Variants in TTN observed in about 807,000 individuals in gnomAD.
The protein encoded by TTN is connectin.
Under a neutral mutation model 3,223.0 loss-of-function variants are expected in TTN, and 1,525 were observed. That is an observed-to-expected ratio of 0.47 (90% CI 0.45 to 0.49). The LOEUF (loss-of-function observed/expected upper bound fraction) is 0.49. TTN is among the 20% of genes least tolerant of loss of function. The pLI, the probability that TTN is intolerant of heterozygous loss-of-function variation, is 0.00. For synonymous variants in TTN, 14,094 were observed against 15,161.0 expected (o/e 0.93, Z 5.17); for missense variants, 40,786 against 43,424.0 (o/e 0.94, Z 5.40).
chr2:178,685,271 C>A lies in TTN; in HGVS notation c.32452G>T (p.Glu10818Ter). ...ATCATACCTTTAGCCGGTGGAGGCT[C>A]CTCTATTTTAGCAGGAATTTTTGGT... is the stretch of plus-strand genomic sequence containing the variant. ...LKPKIPAKIE[E>*]PPPAKVPEAP... is the part of the protein sequence containing the mutation. The change falls in exon 129 of 363, where the codon GAG becomes TAG. Residue 10818 changes from glutamate to a stop codon, truncating the protein, a stop_gained. Transcript: ENST00000589042. LOFTEE classifies it high-confidence loss of function. The A allele has an allele frequency of 1.9e-6, 3 of 1,550,790 alleles. No homozygotes were observed. In the South Asian group the frequency reaches 3.6e-5, roughly 19 times the overall value.
At chr2:178,702,411 G>A in intron 107 of TTN, 43 bp downstream of exon 107, 1 of 1,611,488 alleles carries the variant, frequency 6.2e-7, no homozygotes, top group Non-Finnish European at 8.5e-7. Context: ...AAACAGACGA[G>A]GCTTAAATTA....
intron 319 of TTN, 59 bp from the exon 320 acceptor site, chr2:178,579,452 A>C: frequency 6.4e-7 from 1 of 1,561,492 alleles, no homozygotes; most frequent in East Asian, 2.3e-5. Context: ...TAACTTTTTC[A>C]AATAGTTCTA....
chr2:178,618,278 T>C lies in TTN; in HGVS notation c.47180A>G (p.Glu15727Gly), dbSNP rs1342638829. 6.2e-7 allele frequency: 1 copy of C among 1,612,792 alleles called. No individual in the cohort carries two copies. Among genetic ancestry groups the C allele is most frequent in the South Asian group, 1.1e-5 (1 of 91,052 alleles). ...TVTGLQKGGV[E>G]YLFRVSARNR... ...TCTTGCACTCACACGGAATAGGTAC[T>C]CAACTCCTCCTTTCTGTAGACCAGT... Residue 15727 changes from glutamate (E) to glycine (G), a missense_variant, in exon 252 of 363, where the codon GAG (glutamate) becomes GGG (glycine). By Grantham distance (98) the Glu-to-Gly change is moderately conservative. Transcript: ENST00000589042.
chr2:178,787,229 G>C (rs958184112), intron 13 of TTN, among the ~76,000 whole-genome samples: 2 of 152,032 alleles, frequency 1.3e-5, no homozygotes, highest in Admixed American at 6.6e-5. Flanking sequence ...AGATATAAAT[G>C]AGATTTTTCT....
chr2:178,574,224 G>A lies in TTN; in HGVS notation c.71908C>T (p.Arg23970Trp), dbSNP rs748041610. 2.1e-5 allele frequency: 34 copies of A among 1,613,196 alleles called. No individual in the cohort carries two copies. Among genetic ancestry groups the A allele is most frequent in the South Asian group, 1.6e-4 (15 of 91,074 alleles). The change falls in exon 326 of 363, where the codon CGG (arginine) becomes TGG (tryptophan). Residue 23970 changes from arginine to tryptophan, a missense_variant. Physicochemically the swap from Arg to Trp is moderately radical, Grantham distance 101 (BLOSUM62 -3). Coordinates refer to ENST00000589042, the MANE Select transcript of TTN (RefSeq NM_001267550.2). ...IVEKRDLPNG[R>W]WLKANFSNIL... ...TTGCTGAAGTTGGCCTTCAGCCACC[G>A]TCCATTAGGAAGGTCTCTCTTTTCA...
chr2:178,537,394 C>G lies in TTN; in HGVS notation c.99813G>C (p.Gln33271His), dbSNP rs1201464356. The G allele has an allele frequency of 6.2e-7, 1 of 1,605,396 alleles. No individual in the cohort carries two copies. The highest frequency in any genetic ancestry group is 8.5e-7 in the Non-Finnish European group (1 of 1,174,098). Residue 33271 changes from glutamine to histidine, a missense_variant, in exon 355 of 363, where the codon CAG becomes CAC. Physicochemically the swap from Gln to His is conservative, Grantham distance 24. Transcript: ENST00000589042. ...RKTHAGKYKV[Q>H]LSNVFGTVDA... Reference sequence around the variant, plus strand: ...CAACTGTTCCAAAAACATTGCTGAGCTGGACTTTGTATTTCCCAGCATGAG... The same window carrying G: ...CAACTGTTCCAAAAACATTGCTGAGGTGGACTTTGTATTTCCCAGCATGAG...
chr2:178,756,332 T>C lies in TTN; in HGVS notation c.11144A>G (p.Gln3715Arg), dbSNP rs912850872. The C allele has an allele frequency of 6.2e-7, 1 of 1,613,790 alleles. No individual in the cohort carries two copies. Among genetic ancestry groups the C allele is most frequent in the African/African-American group, 1.3e-5 (1 of 74,936 alleles). ...RLKQSQNGNI[Q>R]FLTICNVQLV... ...CTGAACATTACATATGGTAAGAAAC[T>C]GAATATTTCCATTTTGTGATTGTTT... The change falls in exon 46 of 363, where the codon CAG (glutamine) becomes CGG (arginine). Residue 3715 changes from glutamine (Q) to arginine (R), a missense_variant. Gln to Arg is a conservative substitution (Grantham distance 43). Coordinates refer to ENST00000589042, the MANE Select transcript of TTN (RefSeq NM_001267550.2).
chr2:178,718,000 A>T lies in TTN; in HGVS notation c.25006T>A (p.Cys8336Ser). The T allele has an allele frequency of 6.2e-7, 1 of 1,613,804 alleles. No homozygotes were observed. The highest frequency in any genetic ancestry group is 8.5e-7 in the Non-Finnish European group (1 of 1,179,718). ...GCCCCCACACTGTTGTCTGCCTTGC[A>T]TGAATACTCTCCCACATCACTGTGA... The part of the protein sequence containing the change: ...VDHSDVGEYS[C>S]KADNSVGAVA... Residue 8336 changes from cysteine (C) to serine (S), a missense_variant, in exon 86 of 363, where the codon TGC becomes AGC. Physicochemically the swap from Cys to Ser is moderately radical, Grantham distance 112. Transcript: ENST00000589042.
At chr2:178,644,022 G>A (rs564758320) in intron 218 of TTN, among the ~76,000 whole-genome samples, 1 of 152,060 alleles carries the variant, frequency 6.6e-6, no homozygotes, top group South Asian at 2.1e-4. Context: ...ACAGTAATAA[G>A]GAAATTTTTC....
chr2:178,804,700 C>A, intron 1 of TTN, 45 bp from the exon 2 acceptor site: 1 of 1,563,678 alleles, frequency 6.4e-7, no homozygotes, highest in South Asian at 1.1e-5. Flanking sequence ...AGCTAAGGGT[C>A]ACTCTGGAGC....
chr2:178,537,602 A>C lies in TTN; in HGVS notation c.99605T>G (p.Leu33202Arg). 6.2e-7 allele frequency: 1 copy of C among 1,613,688 alleles called. No individual in the cohort carries two copies. The highest frequency in any genetic ancestry group is 1.1e-5 in the South Asian group (1 of 91,074). ...CACAGCTCCATAATATTTCTCTTTC[A>C]GTGGGTAACCAGGATGGAACTGCGG... ...ATPQFHPGYPLKEKYYGAVGS... is the reference protein window; with the variant it reads ...ATPQFHPGYPRKEKYYGAVGS... Residue 33202 changes from leucine to arginine, a missense_variant, in exon 355 of 363, where the codon CTG (leucine) becomes CGG (arginine). Leu to Arg is a moderately radical substitution (Grantham distance 102). Coordinates refer to ENST00000589042, the MANE Select transcript of TTN (RefSeq NM_001267550.2).
chr2:178,736,247 G>C (rs1260890955), intron 49 of TTN, among the ~76,000 whole-genome samples, 173 bp from the exon 50 acceptor site: 2 of 152,184 alleles, frequency 1.3e-5, no homozygotes, highest in Admixed American at 1.3e-4. Flanking sequence ...AAAGGGATGA[G>C]AGTGTTCTTT....
Position 178,534,516 on chromosome 2 carries a change from A to G in TTN, c.102099T>C (p.Thr34033=), listed in dbSNP as rs896791206. 10 of 1,613,746 alleles carry G rather than the reference A, an allele frequency of 6.2e-6. No homozygotes were observed. Among genetic ancestry groups the G allele is most frequent in the Admixed American group, 3.3e-5 (2 of 60,002 alleles). Residue 34033 remains threonine, a synonymous_variant, in exon 358 of 363, where the codon ACT becomes ACC. Coordinates refer to ENST00000589042, the MANE Select transcript of TTN (RefSeq NM_001267550.2). ...TCTCTTTGAATGCTTCCTCATCGAA[A>G]GTATATTCAGCATTCATGATATTCT... is the stretch of plus-strand genomic sequence containing the variant. ...IIENIMNAEY[T]FDEEAFKEIS...
At chr2:178,709,496 G>T in intron 99 of TTN, 70 bp downstream of exon 99, 1 of 1,471,508 alleles carries the variant, frequency 6.8e-7, no homozygotes, top group Non-Finnish European at 9.1e-7. Flanking sequence ...GATATCATAA[G>T]AAATGCTCAT....
Position 178,631,303 on chromosome 2 carries a change from G to T in TTN, c.43748-3C>A. 1 of 1,601,932 alleles carries T rather than the reference G, an allele frequency of 6.2e-7. No individual in the cohort carries two copies. Among genetic ancestry groups the T allele is most frequent in the Non-Finnish European group, 8.5e-7 (1 of 1,176,256 alleles). Reference sequence around the variant, plus strand: ...TCCTGTAAAATATGGGTCTCCCTCTGCAAGTAAAGTATAAGTGAAAAGCTT... The same window carrying T: ...TCCTGTAAAATATGGGTCTCCCTCTTCAAGTAAAGTATAAGTGAAAAGCTT... On this transcript the variant is annotated splice_region_variant and splice_polypyrimidine_tract_variant and intron_variant, in intron 236 of 362. Coordinates refer to ENST00000589042, the MANE Select transcript of TTN (RefSeq NM_001267550.2).
chr2:178,587,140 T>C lies in TTN; in HGVS notation c.64071A>G (p.Pro21357=), dbSNP rs1218856405. 1 of 1,613,238 alleles carries C rather than the reference T, an allele frequency of 6.2e-7. No homozygotes were observed. Among genetic ancestry groups the C allele is most frequent in the East Asian group, 2.2e-5 (1 of 44,816 alleles). Residue 21357 remains proline, a synonymous_variant, in exon 307 of 363, where the codon CCA becomes CCG. Transcript: ENST00000589042. ...GPGVPTDVPK[P]VLASDPLSEP... is the part of the protein sequence containing the mutation. ...TACTTAGAGGATCTGATGCAAGCACTGGTTTTGGGACATCTGTTGGGACGC... is the reference window on the plus strand; with the variant it reads ...TACTTAGAGGATCTGATGCAAGCACCGGTTTTGGGACATCTGTTGGGACGC...
rs373479287 is a variant in TTN, at chr2:178,533,131, A to G, written c.103484T>C (p.Leu34495Pro). ...CAGAGCCTCTTTAGCTACCTGTGTCAGTGGTACACTTTCAGTTCCAGAAAG... is the reference window on the plus strand; with the variant it reads ...CAGAGCCTCTTTAGCTACCTGTGTCGGTGGTACACTTTCAGTTCCAGAAAG... ...EILSGTESVP[L>P]TQVAKEALRE... The change falls in exon 358 of 363, where the codon CTG (leucine) becomes CCG (proline). Residue 34495 changes from leucine to proline, a missense_variant. Transcript: ENST00000589042. 1.4e-5 allele frequency: 22 copies of G among 1,613,982 alleles called. No individual in the cohort carries two copies. The highest frequency in any genetic ancestry group is 1.6e-4 in the Middle Eastern group (1 of 6,062).
At position 178,612,543 on chromosome 2, in the gene TTN, A is replaced by G; in HGVS notation, c.49982T>C (p.Ile16661Thr). 2 of 1,611,620 alleles carry G rather than the reference A, an allele frequency of 1.2e-6. No homozygotes were observed. ...PPSPPRWLEV[I>T]NITKNTADLK... The stretch of plus-strand genomic sequence containing the variant: ...GTCTGCTGTATTTTTTGTGATATTA[A>G]TAACTTCAAGCCAGCGTGGTGGTGA... The change falls in exon 266 of 363, where the codon ATT becomes ACT. Residue 16661 changes from isoleucine to threonine, a missense_variant. Transcript: ENST00000589042.
chr2:178,576,093 C>G lies in TTN; in HGVS notation c.70039G>C (p.Asp23347His), dbSNP rs371752797. 6.1e-5 allele frequency: 99 copies of G among 1,613,380 alleles called. No individual in the cohort carries two copies. Among genetic ancestry groups the G allele is most frequent in the Non-Finnish European group, 8.1e-5 (95 of 1,179,608 alleles). Residue 23347 changes from aspartate to histidine, a missense_variant, in exon 326 of 363, where the codon GAT (aspartate) becomes CAT (histidine). Transcript: ENST00000589042. This position sits in a 1 kb window ranked among gnomAD's most constrained non-coding sequence, Gnocchi z 4.3. ...ACAAGTGTTCTTCGAAGCTCGGCAT[C>G]TAGTTCAAAATCAGGAGCCATCTCC... ...EREMAPDFEL[D>H]AELRRTLVVR...
Sources: gnomAD v4.1 joint callset for allele counts (sites outside exome capture counted in the v4.1 genomes callset) on GRCh38, gnomAD v4.1.1 for gene constraint, Gnocchi (gnomAD v3.1) non-coding constraint, MANE v1.5 for transcripts, NCBI Gene and HGNC (gene_info 2026-07-23, HGNC 2026-07-21) for gene names.